Variants in FAT1 observed in about 807,000 individuals in gnomAD.
FAT1 encodes protocadherin Fat 1.
In FAT1, 171 loss-of-function variants were observed where a neutral mutation model predicts 329.8. That is an observed-to-expected ratio of 0.52 (90% CI 0.46 to 0.59). FAT1 has a LOEUF of 0.59. Among genes scored for constraint, FAT1 ranks in the 20% least tolerant of loss-of-function variants. FAT1 has a pLI of 0.00. For missense variants in FAT1, 5,672 were observed against 5,774.4 expected, an observed-to-expected ratio of 0.98 and a Z score of 0.57; for synonymous variants, 2,233 against 2,228.6, an observed-to-expected ratio of 1.00 and a Z score of -0.06.
upstream of FAT1, chr4:186,723,930 C>G (rs1247096330): frequency 6.6e-6 from 1 of 151,056 alleles, no homozygotes; most frequent in African/African-American, 2.4e-5. Context: ...CGCGGAAACT[C>G]GAGCCCACTT....
chr4:186,644,154 T>A (rs532590463), intron 3 of FAT1, among the ~76,000 whole-genome samples: 1 of 152,266 alleles, frequency 6.6e-6, no homozygotes, highest in East Asian at 1.9e-4. Context: ...TTTCTCCCTA[T>A]CACACCTGAC....
In FAT1 at chr4:186,604,497, G is replaced by A. The variant is rs531617560; in HGVS notation, c.10428C>T (p.Phe3476=). The change falls in exon 18 of 27, where the codon TTC becomes TTT. Residue 3476 remains phenylalanine (F), a synonymous_variant. Coordinates refer to ENST00000441802, the MANE Select transcript of FAT1 (RefSeq NM_005245.4). ...DEDSSHNGPP[F]FFTIVTGNDE... is the part of the protein sequence containing the mutation. ...CATTTCCAGTTACAATAGTAAAGAA[G>A]AAGGGTGGACCGTTATGGGAAGAAT... is the stretch of plus-strand genomic sequence containing the variant. 6.2e-6 allele frequency: 10 copies of A among 1,613,862 alleles called. No individual in the cohort carries two copies. The East Asian group carries it at 2.0e-4, about 32-fold the overall frequency.
chr4:186,611,949 G>A (rs982105506), intron 13 of FAT1, among the ~76,000 whole-genome samples, 174 bp from the exon 14 acceptor site: 1 of 151,064 alleles, frequency 6.6e-6, no homozygotes, highest in Non-Finnish European at 1.5e-5. Context: ...TCAGCCTCCC[G>A]AGTGGCTGGG....
In FAT1 at chr4:186,611,492, A is replaced by G. The variant is rs2126467388; in HGVS notation, c.9747T>C (p.Val3249=). The stretch of plus-strand genomic sequence containing the variant: ...CCCGACTTGCTGCATACACTTGAAG[A>G]ACTTCAGTTCCAACAAGAATGTCCT... ...VSEDILVGTE[V]LQVYAASRDI... Residue 3249 remains valine, a synonymous_variant, in exon 14 of 27, where the codon GTT becomes GTC. Coordinates refer to ENST00000441802, the MANE Select transcript of FAT1 (RefSeq NM_005245.4). 1 of 1,614,000 alleles carries G rather than the reference A, an allele frequency of 6.2e-7. No individual in the cohort carries two copies.
intron 11 of FAT1, among the ~76,000 whole-genome samples, chr4:186,614,798 A>G (rs1448923402): frequency 6.6e-6 from 1 of 152,162 alleles, no homozygotes; most frequent in Non-Finnish European, 1.5e-5. Context: ...CAGTTGAGAG[A>G]GAAGCAAGTT....
At chr4:186,717,695 C>T (rs1354394329) in intron 1 of FAT1, among the ~76,000 whole-genome samples, 2 of 152,166 alleles carry the variant, frequency 1.3e-5, no homozygotes, top group Non-Finnish European at 2.9e-5. Flanking sequence ...ACCTATAAAA[C>T]ATGTCTGTTG....
At position 186,620,732 on chromosome 4, in the gene FAT1, C is replaced by T. The variant is rs762168387; in HGVS notation, c.5854G>A (p.Val1952Ile). ...TQLRSRYELT[V>I]RASDGRFAGL... ...GCAAATCTGCCATCGGAAGCTCTAACGGTTAGCTCGTAGCGGCTTCTTAAC... is the reference window on the plus strand; with the variant it reads ...GCAAATCTGCCATCGGAAGCTCTAATGGTTAGCTCGTAGCGGCTTCTTAAC... The change falls in exon 10 of 27, where the codon GTT (valine) becomes ATT (isoleucine). Residue 1952 changes from valine (V) to isoleucine (I), a missense_variant. By Grantham distance (29) the Val-to-Ile change is conservative. Around this residue, in one of 2 missense-constraint regions of FAT1, gnomAD observed 3,966 missense variants for 3,915.2 expected, o/e 1.01. Coordinates refer to ENST00000441802, the MANE Select transcript of FAT1 (RefSeq NM_005245.4). 1.4e-5 allele frequency: 23 copies of T among 1,613,988 alleles called. No homozygotes were observed. Among genetic ancestry groups the T allele is most frequent in the African/African-American group, 5.3e-5 (4 of 75,036 alleles).
rs758283398 is a variant in FAT1 at position 186,596,587 on chromosome 4, G to C, written c.12953C>G (p.Ser4318Cys). The C allele has an allele frequency of 6.2e-7, 1 of 1,613,156 alleles. No homozygotes were observed. The change falls in exon 25 of 27, where the codon TCT becomes TGT. Residue 4318 changes from serine to cysteine, a missense_variant. By Grantham distance (112) the Ser-to-Cys change is moderately radical. Coordinates refer to ENST00000441802, the MANE Select transcript of FAT1 (RefSeq NM_005245.4). The surrounding 1 kb of genome is among the most constrained non-coding windows in gnomAD (Gnocchi z 4.7). ...AGGCTTCTGGATGGAGTCGCTGTCA[G>C]AAGGGGAGTTTGAAGGGGGTGGGGG... ...LPPPPPSNSP[S>C]DSDSIQKPSW...
At chr4:186,607,290 G>A (rs1739189870) in intron 16 of FAT1, among the ~76,000 whole-genome samples, 2 of 152,210 alleles carry the variant, frequency 1.3e-5, no homozygotes, top group Admixed American at 1.3e-4. Flanking sequence ...CTCTGAGGTA[G>A]TTCCTGCTCA....
In FAT1 at chr4:186,682,215, T is replaced by C. The variant is rs184581866; in HGVS notation, c.3266-18602A>G. Among the ~76,000 whole-genome samples, 509 of 152,250 alleles carry C rather than the reference T, an allele frequency of 3.3e-3. 1 individual carries two copies. Among genetic ancestry groups the C allele is most frequent in the African/African-American group, 0.011 (462 of 41,542 alleles). ...ATTTCTTTCAAAATATTATTACTTA[T>C]CTTCTGAATTGCTAAAAGTTGTAAA... On this transcript the variant is annotated intron_variant, in intron 2 of 26. Transcript: ENST00000441802.
rs377148743 is a variant in FAT1, at chr4:186,619,979, G to A, written c.6607C>T (p.His2203Tyr). 10 of 1,613,806 alleles carry A rather than the reference G, an allele frequency of 6.2e-6. No homozygotes were observed. The African/African-American group carries it at 1.3e-4, about 22-fold the overall frequency. The change falls in exon 10 of 27, where the codon CAC (histidine) becomes TAC (tyrosine). Residue 2203 changes from histidine (H) to tyrosine (Y), a missense_variant. By Grantham distance (83) the His-to-Tyr change is moderately conservative. Coordinates refer to ENST00000441802, the MANE Select transcript of FAT1 (RefSeq NM_005245.4). ...ESIQVHSPVV[H>Y]VQANSPEGLK... ...CCTTCCGGGCTGTTAGCCTGCACGT[G>A]GACCACAGGGCTGTGCACCTGGATG...
In FAT1 at chr4:186,621,406, A is replaced by G. The variant is rs2126524954; in HGVS notation, c.5180T>C (p.Phe1727Ser). Residue 1727 changes from phenylalanine (F) to serine (S), a missense_variant, in exon 10 of 27, where the codon TTT (phenylalanine) becomes TCT (serine). Coordinates refer to ENST00000441802, the MANE Select transcript of FAT1 (RefSeq NM_005245.4). ...CAATGTGTAAATGGGCAAAGTTTCA[A>G]AGTCCAGGGCTTTCTGAGTGATGAT... ...GTIITQKALD[F>S]ETLPIYTLII... The G allele has an allele frequency of 6.2e-7, 1 of 1,614,012 alleles. No homozygotes were observed. The highest frequency in any genetic ancestry group is 8.5e-7 in the Non-Finnish European group (1 of 1,179,896).
chr4:186,659,943 G>T (rs1233224728), intron 3 of FAT1, among the ~76,000 whole-genome samples: 15 of 152,036 alleles, frequency 9.9e-5, no homozygotes, highest in Admixed American at 9.8e-4. Context: ...GAACGACGCT[G>T]GGCGCTCCTG....
intron 26 of FAT1, among the ~76,000 whole-genome samples, chr4:186,594,228 G>A (rs1293935334): frequency 6.6e-6 from 1 of 151,878 alleles, no homozygotes; most frequent in Non-Finnish European, 1.5e-5. Flanking sequence ...ACCACGCCCG[G>A]CTGATTTTTT....
intron 2 of FAT1, among the ~76,000 whole-genome samples, chr4:186,706,076 C>T (rs1579481243): frequency 1.3e-5 from 2 of 152,270 alleles, no homozygotes; most frequent in African/African-American, 4.8e-5. Flanking sequence ...AAGTGAAGAC[C>T]ACATTAGAGA....
At chr4:186,720,808 G>A (rs760309283) in intron 1 of FAT1, among the ~76,000 whole-genome samples, 13 of 152,212 alleles carry the variant, frequency 8.5e-5, no homozygotes, top group South Asian at 4.1e-4. Flanking sequence ...TGAATAAAGC[G>A]TTAAGAGTGA....
intron 3 of FAT1, among the ~76,000 whole-genome samples, chr4:186,656,997 A>G (rs2126605426): frequency 6.6e-6 from 1 of 152,280 alleles, no homozygotes; most frequent in Middle Eastern, 3.4e-3. Flanking sequence ...GACAAAATGA[A>G]TGCACTGGCA....
At position 186,620,518 on chromosome 4, in the gene FAT1, A is replaced by T. The variant is rs1272281522; in HGVS notation, c.6068T>A (p.Phe2023Tyr). The change falls in exon 10 of 27, where the codon TTT becomes TAT. Residue 2023 changes from phenylalanine (F) to tyrosine (Y), a missense_variant. Around this residue, in one of 2 missense-constraint regions of FAT1, gnomAD observed 3,966 missense variants for 3,915.2 expected, o/e 1.01. Transcript: ENST00000441802. ...AACTCCTGAAGTGCGGCTTATTTTA[A>T]ATCTGCGATCTGGGTTGAGGATGTG... ...FYHILNPDRR[F>Y]KISRTSGVLS... The T allele has an allele frequency of 8.7e-6, 14 of 1,613,954 alleles. No homozygotes were observed. The highest frequency in any genetic ancestry group is 1.1e-5 in the Non-Finnish European group (13 of 1,179,900).
At position 186,692,468 on chromosome 4, in the gene FAT1, A is replaced by G. The variant is rs958578279; in HGVS notation, c.3265+14095T>C. Among the ~76,000 whole-genome samples, 13 of 151,870 alleles carry G rather than the reference A, an allele frequency of 8.6e-5. No homozygotes were observed. In the East Asian group the frequency reaches 2.1e-3, roughly 25 times the overall value. On this transcript the variant is annotated intron_variant, in intron 2 of 26. Coordinates refer to ENST00000441802, the MANE Select transcript of FAT1 (RefSeq NM_005245.4). ...GCTGGGACTACAGGCGCCCGCCACC[A>G]CGCCCGGCTAATTTTTTGTATTTTT...
Sources: allele counts gnomAD v4.1 joint callset (sites outside exome capture counted in the v4.1 genomes callset), GRCh38; gene constraint gnomAD v4.1.1; regional missense constraint gnomAD v4.1.1; non-coding constraint Gnocchi (gnomAD v3.1); transcripts MANE v1.5; gene names NCBI Gene and HGNC (gene_info 2026-07-23, HGNC 2026-07-21).